Variants in COL6A3 observed in about 807,000 individuals in gnomAD.
COL6A3 encodes the protein collagen alpha-3(VI) chain.
COL6A3 carries 137 observed loss-of-function variants against 274.1 expected under a neutral mutation model. The observed-to-expected ratio is 0.50, with a 90% confidence interval of 0.44 to 0.58. The LOEUF (loss-of-function observed/expected upper bound fraction) is 0.58. Ranked by LOEUF, COL6A3 falls within the 20% of genes least tolerant of loss-of-function variation. COL6A3 has a pLI of 0.00. For synonymous variants in COL6A3, 1,650 were observed against 1,650.6 expected (o/e 1.00, Z 0.01); for missense variants, 3,950 against 4,124.9 (o/e 0.96, Z 1.16).
rs376997896 is a variant in COL6A3, at chr2:237,374,467, G to A, written c.3624C>T (p.Leu1208=). ...GCAGCCTGCTCAGCTCCTCGCGGGT[G>A]AGCTGGGTCACCCTCTCAGAGATGA... ...QQVISERVTQ[L]TREELSRLQP... is the part of the protein sequence containing the mutation. Residue 1208 remains leucine (L), a synonymous_variant, in exon 8 of 44, where the codon CTC becomes CTT. Transcript: ENST00000295550. The surrounding 1 kb of genome is among the most constrained non-coding windows in gnomAD (Gnocchi z 4.8). The A allele has an allele frequency of 1.9e-6, 3 of 1,613,894 alleles. No homozygotes were observed. Among genetic ancestry groups the A allele is most frequent in the African/African-American group, 2.7e-5 (2 of 74,954 alleles).
intron 1 of COL6A3, among the ~76,000 whole-genome samples, chr2:237,412,236 C>T (rs372463081): frequency 4.6e-5 from 7 of 152,248 alleles, no homozygotes; most frequent in Admixed American, 1.3e-4. Flanking sequence ...CCTCCTTCAG[C>T]GCCCTCCACC....
chr2:237,327,865 T>C (rs1293819333), intron 42 of COL6A3: 1 of 152,034 alleles, frequency 6.6e-6, no homozygotes, highest in Non-Finnish European at 1.5e-5. Context: ...TTAAATGTCC[T>C]GGAGTACCAA....
chr2:237,368,234 A>G lies in COL6A3; in HGVS notation c.4900+329T>C, dbSNP rs147384216. Among the ~76,000 whole-genome samples the G allele has an allele frequency of 4.6e-5, 7 of 152,336 alleles. No homozygotes were observed. Among genetic ancestry groups the G allele is most frequent in the African/African-American group, 1.7e-4 (7 of 41,584 alleles). ...GCATCTGGCCAGTAGGCATGGGCCA[A>G]CTTCAAAGTCACATTCAGTGGGGCA... On this transcript the variant is annotated intron_variant, in intron 10 of 43. Coordinates refer to ENST00000295550, the MANE Select transcript of COL6A3 (RefSeq NM_004369.4). The surrounding 1 kb of genome is among the most constrained non-coding windows in gnomAD (Gnocchi z 4.4).
rs566591454 is a variant in COL6A3 at position 237,347,765 on chromosome 2, G to C, written c.7029+42C>G. 5.2e-5 allele frequency: 81 copies of C among 1,560,252 alleles called. No homozygotes were observed. In the East Asian group the frequency reaches 1.7e-3, roughly 32 times the overall value. On this transcript the variant is annotated intron_variant, in intron 31 of 43. Transcript: ENST00000295550. ...AGCAGTTAATCACATTGAGACATAC[G>C]TTCTCATTCCTCACCTGCAGCCAAG...
At chr2:237,388,298 C>T in intron 3 of COL6A3, 114 bp from the exon 4 acceptor site, 1 of 1,288,842 alleles carries the variant, frequency 7.8e-7, no homozygotes, top group Non-Finnish European at 1.1e-6. Context: ...GAAATATGGG[C>T]AAACAAAACA....
At chr2:237,402,199 A>G (rs959728523) in intron 1 of COL6A3, among the ~76,000 whole-genome samples, 1 of 152,166 alleles carries the variant, frequency 6.6e-6, no homozygotes, top group Non-Finnish European at 1.5e-5. Context: ...AAAAGAACCT[A>G]GAATGGTGTT....
Position 237,397,437 on chromosome 2 carries a change from AAGAAAGAAAGAG to A in COL6A3, c.-30-602_-30-591del, listed in dbSNP as rs1208268507. Reference sequence around the variant, plus strand: ...AAGGAAAGAAAGAAAGAGAGAAGGAAAGAAAGAAAGAGAGAAAGAAAGAGAGAGAGGGAGGGA... The same window carrying A: ...AAGGAAAGAAAGAAAGAGAGAAGGAAAGAAAGAAAGAGAGAGAGGGAGGGA... On this transcript the variant is annotated intron_variant, in intron 1 of 43. Coordinates refer to ENST00000295550, the MANE Select transcript of COL6A3 (RefSeq NM_004369.4). Among the ~76,000 whole-genome samples, 30 of 146,896 alleles carry A rather than the reference AAGAAAGAAAGAG, an allele frequency of 2.0e-4. 1 individual carries two copies. In the East Asian group the frequency reaches 2.4e-3, roughly 12 times the overall value.
Position 237,368,698 on chromosome 2 carries a change from C to G in COL6A3, c.4765G>C (p.Asp1589His), listed in dbSNP as rs904372024. Residue 1589 changes from aspartate to histidine, a missense_variant, in exon 10 of 44, where the codon GAC becomes CAC. Coordinates refer to ENST00000295550, the MANE Select transcript of COL6A3 (RefSeq NM_004369.4). The surrounding 1 kb of genome is among the most constrained non-coding windows in gnomAD (Gnocchi z 4.4). ...DRTELQTITN[D>H]PRLVFTVREF... ...CGCACTGTGAAGACCAGTCTGGGGT[C>G]ATTGGTGATGGTCTGCAGCTCTGTT... 9.3e-6 allele frequency: 15 copies of G among 1,614,088 alleles called. No homozygotes were observed. Among genetic ancestry groups the G allele is most frequent in the Non-Finnish European group, 1.2e-5 (14 of 1,180,014 alleles).
rs750795580 is a variant in COL6A3 at position 237,370,026 on chromosome 2, A to T, written c.4286-849T>A. On this transcript the variant is annotated intron_variant, in intron 9 of 43. Coordinates refer to ENST00000295550, the MANE Select transcript of COL6A3 (RefSeq NM_004369.4). ...CCTTTATTTTTTAAATTTCATTAAA[A>T]TTTTTTTTTTTAATTTTTTGGATGA... is the stretch of plus-strand genomic sequence containing the variant. Among the ~76,000 whole-genome samples the T allele has an allele frequency of 1.4e-4, 20 of 147,684 alleles. No homozygotes were observed. In the East Asian group the frequency reaches 1.6e-3, roughly 12 times the overall value.
rs747160916 is a variant in COL6A3, at chr2:237,369,140, G to A, written c.4323C>T (p.Ile1441=). 42 of 1,613,516 alleles carry A rather than the reference G, an allele frequency of 2.6e-5. No homozygotes were observed. In the East Asian group the frequency reaches 4.5e-4, roughly 17 times the overall value. The change falls in exon 10 of 44, where the codon ATC becomes ATT. Residue 1441 remains isoleucine, a synonymous_variant. Coordinates refer to ENST00000295550, the MANE Select transcript of COL6A3 (RefSeq NM_004369.4). ...CTGGCCTAACTCCCTCAGAGCTGTCGATCAGAAAGACAATGTCTGCAGCAT... is the reference window on the plus strand; with the variant it reads ...CTGGCCTAACTCCCTCAGAGCTGTCAATCAGAAAGACAATGTCTGCAGCAT... ...ESDAADIVFL[I]DSSEGVRPDG...
At chr2:237,382,181 A>G (rs867874215) in intron 4 of COL6A3, among the ~76,000 whole-genome samples, 2 of 152,106 alleles carry the variant, frequency 1.3e-5, no homozygotes, top group African/African-American at 4.8e-5. Flanking sequence ...TCAGGAGCTC[A>G]AGACCAGCCT....
intron 3 of COL6A3, among the ~76,000 whole-genome samples, chr2:237,392,884 C>A (rs924847600): frequency 6.6e-6 from 1 of 152,182 alleles, no homozygotes; most frequent in Non-Finnish European, 1.5e-5. Flanking sequence ...CCACACTGAG[C>A]ACCATTGGAA....
chr2:237,375,134 T>C (rs1027416278), intron 7 of COL6A3, 114 bp from the exon 8 acceptor site: 111 of 1,490,632 alleles, frequency 7.4e-5, no homozygotes, highest in Non-Finnish European at 9.8e-5. Flanking sequence ...ATCCCCGAAC[T>C]TGAGAAAAGG....
chr2:237,359,775 C>T (rs770042639), intron 17 of COL6A3, among the ~76,000 whole-genome samples: 8 of 152,246 alleles, frequency 5.3e-5, no homozygotes, highest in Non-Finnish European at 1.2e-4. Context: ...CCTGACTGCT[C>T]CCACGGTCCA....
Position 237,363,378 on chromosome 2 carries a change from C to G in COL6A3, c.5938G>C (p.Val1980Leu), listed in dbSNP as rs1474166955. The G allele has an allele frequency of 2.5e-6, 4 of 1,614,024 alleles. No individual in the cohort carries two copies. Among genetic ancestry groups the G allele is most frequent in the Non-Finnish European group, 2.5e-6 (3 of 1,180,048 alleles). ...RQEGVRALIL[V>L]GLERVVNLER... is the part of the protein sequence containing the mutation. Reference sequence around the variant, plus strand: ...AAGTTGACCACTCGTTCAAGGCCCACCAGGATCAAGGCACGGACTCCTGCA... The same window carrying G: ...AAGTTGACCACTCGTTCAAGGCCCAGCAGGATCAAGGCACGGACTCCTGCA... Residue 1980 changes from valine (V) to leucine (L), a missense_variant, in exon 14 of 44, where the codon GTG (valine) becomes CTG (leucine). Val to Leu is a conservative substitution (Grantham distance 32). This residue lies in a region of COL6A3 where 632 missense variants were observed against 623.4 expected (regional missense o/e 1.01). Transcript: ENST00000295550.
intron 20 of COL6A3, 26 bp downstream of exon 20, chr2:237,359,009 T>C: frequency 1.9e-6 from 3 of 1,608,204 alleles, no homozygotes; most frequent in African/African-American, 1.3e-5. Flanking sequence ...CTTTCCATAA[T>C]AGCACCACCG....
rs771424958 is a variant in COL6A3, at chr2:237,344,688, G to A, written c.7330C>T (p.Arg2444Trp). 7 of 1,610,292 alleles carry A rather than the reference G, an allele frequency of 4.3e-6. No homozygotes were observed. The highest frequency in any genetic ancestry group is 5.9e-6 in the Non-Finnish European group (7 of 1,177,552). Reference protein sequence around the residue: ...IAESNCPRGARVAVVTYNNEV... With the variant: ...IAESNCPRGAWVAVVTYNNEV... ...TTGTTGTAGGTGACCACAGCCACCCGGGCCCCCCGTGGGCAGTTGCTCTCA... is the reference window on the plus strand; with the variant it reads ...TTGTTGTAGGTGACCACAGCCACCCAGGCCCCCCGTGGGCAGTTGCTCTCA... The change falls in exon 36 of 44, where the codon CGG (arginine) becomes TGG (tryptophan). Residue 2444 changes from arginine to tryptophan, a missense_variant. Around this residue, in one of 5 missense-constraint regions of COL6A3, gnomAD observed 1,284 missense variants for 1,349.7 expected, o/e 0.95. Coordinates refer to ENST00000295550, the MANE Select transcript of COL6A3 (RefSeq NM_004369.4). The surrounding 1 kb of genome is among the most constrained non-coding windows in gnomAD (Gnocchi z 4.8).
In COL6A3 at chr2:237,357,836, G is replaced by T. The variant is rs200842141; in HGVS notation, c.6518C>A (p.Thr2173Asn). Reference protein sequence around the residue: ...DSQERGPKGETGDLGPMGVPG... With the variant: ...DSQERGPKGENGDLGPMGVPG... The stretch of plus-strand genomic sequence containing the variant: ...CCTTACCATGGGGCCGAGGTCACCG[G>T]TTTCTCCTTTGGGTCCTCTCTCCTG... The change falls in exon 22 of 44, where the codon ACC (threonine) becomes AAC (asparagine). Residue 2173 changes from threonine to asparagine, a missense_variant. Physicochemically the swap from Thr to Asn is moderately conservative, Grantham distance 65. Transcript: ENST00000295550. 2.5e-6 allele frequency: 4 copies of T among 1,614,144 alleles called. 1 individual carries two copies. In the South Asian group the frequency reaches 4.4e-5, roughly 18 times the overall value.
rs1317234175 is a variant in COL6A3, at chr2:237,336,499, T to C, written c.8601A>G (p.Thr2867=). 1.2e-6 allele frequency: 2 copies of C among 1,614,146 alleles called. No homozygotes were observed. Among genetic ancestry groups the C allele is most frequent in the African/African-American group, 2.7e-5 (2 of 74,946 alleles). The part of the protein sequence containing the change: ...NVPNNVTSSP[T]SNPVTTTKPV... ...GCTTCGTTGTCGTCACTGGGTTGGA[T>C]GTAGGACTTGAAGTAACGTTATTCG... is the stretch of plus-strand genomic sequence containing the variant. Residue 2867 remains threonine, a synonymous_variant, in exon 40 of 44, where the codon ACA becomes ACG. Coordinates refer to ENST00000295550, the MANE Select transcript of COL6A3 (RefSeq NM_004369.4).
Sources: allele counts gnomAD v4.1 joint callset (sites outside exome capture counted in the v4.1 genomes callset), GRCh38; gene constraint gnomAD v4.1.1; regional missense constraint gnomAD v4.1.1; non-coding constraint Gnocchi (gnomAD v3.1); transcripts MANE v1.5; gene names NCBI Gene and HGNC (gene_info 2026-07-23, HGNC 2026-07-21).